Variants in TMEM201 observed in about 807,000 individuals in gnomAD.
The protein encoded by TMEM201 is RP13-15M17.2.
A neutral mutation model predicts 63.4 loss-of-function variants in TMEM201; 26 were observed. The observed-to-expected ratio is 0.41, with a 90% CI of 0.30 to 0.57. The LOEUF is 0.57. TMEM201 is among the 20% of genes least tolerant of loss of function. The pLI is 0.29. For synonymous variants in TMEM201, 417 were observed against 421.6 expected, an observed-to-expected ratio of 0.99 and a Z score of 0.14; for missense variants, 794 against 917.7, an observed-to-expected ratio of 0.87 and a Z score of 1.74.
At chr1:9,591,812 A>T (rs1460860399) in intron 1 of TMEM201, among the ~76,000 whole-genome samples, 1 of 152,020 alleles carries the variant, frequency 6.6e-6, no homozygotes, top group African/African-American at 2.4e-5. Context: ...ACTCTCCCTG[A>T]GCAACCGCCG....
chr1:9,602,464 C>G, intron 6 of TMEM201, 192 bp downstream of exon 6: 3 of 1,430,928 alleles, frequency 2.1e-6, no homozygotes, highest in Non-Finnish European at 2.7e-6. Flanking sequence ...CCTGCCTTTT[C>G]CTTTCGGGCA....
chr1:9,612,879 G>C, intron 10 of TMEM201, 107 bp from the exon 11 acceptor site: 1 of 937,838 alleles, frequency 1.1e-6, no homozygotes. Flanking sequence ...AGAGTACCCT[G>C]GGCAGAGCCT....
chr1:9,595,797 C>T (rs1644006966), intron 1 of TMEM201, 93 bp from the exon 2 acceptor site: 2 of 1,576,984 alleles, frequency 1.3e-6, no homozygotes, highest in Admixed American at 3.4e-5. Context: ...TCCCAGCACC[C>T]TTTCCCTGGT....
At chr1:9,602,003 G>A (rs1459930015) in intron 5 of TMEM201, 66 bp from the exon 6 acceptor site, 11 of 1,551,130 alleles carry the variant, frequency 7.1e-6, no homozygotes, top group African/African-American at 1.4e-5. Context: ...AGAGGAGGCA[G>A]GAAGGAAGGC....
At chr1:9,590,794 A>G (rs1026852888) in intron 1 of TMEM201, among the ~76,000 whole-genome samples, 2 of 152,266 alleles carry the variant, frequency 1.3e-5, no homozygotes, top group Admixed American at 6.5e-5. Context: ...GAGGTCATAA[A>G]TTGGCCACTG....
chr1:9,589,085 C>T (rs1643876743), intron 1 of TMEM201, 42 bp downstream of exon 1: 13 of 862,232 alleles, frequency 1.5e-5, no homozygotes, highest in Non-Finnish European at 1.7e-5. Flanking sequence ...CTGCGCCGCC[C>T]GCCAGGCCCG....
chr1:9,604,353 A>G lies in TMEM201; in HGVS notation c.1160+2081A>G. 3 of 985,430 alleles carry G rather than the reference A, an allele frequency of 3.0e-6. No individual in the cohort carries two copies. The highest frequency in any genetic ancestry group is 3.6e-6 in the Non-Finnish European group (3 of 829,932). The allele number at this position is 985,430 out of a possible 1,614,324, so 61.0% of individuals were successfully genotyped here. On this transcript the variant is annotated intron_variant, in intron 6 of 10. Transcript: ENST00000340381. This position sits in a 1 kb window ranked among gnomAD's most constrained non-coding sequence, Gnocchi z 4.1. ...GTCCGGAAGCGACATCTCAGGAGGT[A>G]GCTCTCAGCAGAGTGAGGATTCCTG... is the stretch of plus-strand genomic sequence containing the variant.
At chr1:9,612,230 G>A (rs896786054) in intron 10 of TMEM201, among the ~76,000 whole-genome samples, 4 of 152,226 alleles carry the variant, frequency 2.6e-5, no homozygotes, top group South Asian at 4.1e-4. Flanking sequence ...CCTGTGGCCC[G>A]TGGCTGGCAT....
At chr1:9,590,000 A>G (rs1417490164) in intron 1 of TMEM201, among the ~76,000 whole-genome samples, 3 of 152,180 alleles carry the variant, frequency 2.0e-5, no homozygotes, top group South Asian at 2.1e-4. Flanking sequence ...TCCTTAACAC[A>G]TACCGGTGCT....
intron 1 of TMEM201, among the ~76,000 whole-genome samples, chr1:9,593,248 C>T (rs1055668356): frequency 6.6e-6 from 1 of 152,220 alleles, no homozygotes; most frequent in Non-Finnish European, 1.5e-5. Context: ...GAGCTGTGGA[C>T]AGTGTTTCAC....
In TMEM201 at chr1:9,604,221, G is replaced by A. The variant is rs1179428222; in HGVS notation, c.1160+1949G>A. The A allele has an allele frequency of 4.1e-6, 4 of 985,326 alleles. No homozygotes were observed. The highest frequency in any genetic ancestry group is 4.8e-6 in the Non-Finnish European group (4 of 829,944). 61.0% of individuals were successfully genotyped at this position (985,326 alleles called of 1,614,324 possible). On this transcript the variant is annotated intron_variant, in intron 6 of 10. Transcript: ENST00000340381. The surrounding 1 kb of genome is among the most constrained non-coding windows in gnomAD (Gnocchi z 4.1). ...GGCGTTGGGTAGAAGCAGGACATCT[G>A]TGTGTATGTGCGTATTTAAATTAGA... is the stretch of plus-strand genomic sequence containing the variant.
chr1:9,600,050 C>T (rs1644106909), intron 4 of TMEM201, among the ~76,000 whole-genome samples: 1 of 152,174 alleles, frequency 6.6e-6, no homozygotes, highest in African/African-American at 2.4e-5. Context: ...TGGTGCCTTG[C>T]TGTGCAGACG....
At chr1:9,606,820 C>G (rs1644251779) in intron 6 of TMEM201, among the ~76,000 whole-genome samples, 2 of 152,254 alleles carry the variant, frequency 1.3e-5, no homozygotes, top group South Asian at 4.1e-4. Context: ...CTGTCACCTT[C>G]CGTCTTTCGG....
intron 1 of TMEM201, 21 bp from the exon 2 acceptor site, chr1:9,595,869 C>G: frequency 6.2e-7 from 1 of 1,612,116 alleles, no homozygotes; most frequent in Non-Finnish European, 8.5e-7. Context: ...CAGGCCAACC[C>G]GCTCTTTCCT....
chr1:9,606,027 T>C (rs1021585198), intron 6 of TMEM201, among the ~76,000 whole-genome samples: 2 of 151,988 alleles, frequency 1.3e-5, no homozygotes, highest in Non-Finnish European at 2.9e-5. Context: ...CCCCACAAAC[T>C]CCCTCCCATG....
rs993421020 is a variant in TMEM201 at position 9,604,291 on chromosome 1, T to A, written c.1160+2019T>A. 7 of 985,286 alleles carry A rather than the reference T, an allele frequency of 7.1e-6. No homozygotes were observed. Among genetic ancestry groups the A allele is most frequent in the Non-Finnish European group, 8.4e-6 (7 of 829,942 alleles). The allele number at this position is 985,286 out of a possible 1,614,324, so 61.0% of individuals were successfully genotyped here. A position where few individuals can be genotyped will look rare whatever the true frequency, so the allele number is the denominator to read the frequency against. Reference sequence around the variant, plus strand: ...CCAGCCCTCGCGCTGGCCAGGATCCTCCTGCCGAGCTGATGTCGCTCCTGC... The same window carrying A: ...CCAGCCCTCGCGCTGGCCAGGATCCACCTGCCGAGCTGATGTCGCTCCTGC... On this transcript the variant is annotated intron_variant, in intron 6 of 10. Transcript: ENST00000340381. The surrounding 1 kb of genome is among the most constrained non-coding windows in gnomAD (Gnocchi z 4.1).
At position 9,613,620 on chromosome 1, in the gene TMEM201, A is replaced by AGAAGGG. The variant is rs1483966507; in HGVS notation, c.*538_*543dup. ...TCTTGCCCCTTCCTGTGGAGTGGGC[A>AGAAGGG]GAAGGGCTCCCGGGATCCTCAGAGC... On this transcript the variant is annotated 3_prime_UTR_variant, in exon 11 of 11. Transcript: ENST00000340381. 6.5e-6 allele frequency: 1 copy of AGAAGGG among 153,378 alleles called. No homozygotes were observed. The highest frequency in any genetic ancestry group is 1.5e-5 in the Non-Finnish European group (1 of 68,870). The allele number at this position is 153,378 out of a possible 1,614,324, so 9.5% of individuals were successfully genotyped here.
intron 3 of TMEM201, among the ~76,000 whole-genome samples, chr1:9,597,959 C>G (rs913787397): frequency 6.6e-6 from 1 of 152,194 alleles, no homozygotes; most frequent in Admixed American, 6.5e-5. Context: ...GACTTGTCTT[C>G]TGGGCTATTT....
chr1:9,596,729 GAAA>G, intron 2 of TMEM201, 127 bp from the exon 3 acceptor site: 1 of 958,556 alleles, frequency 1.0e-6, no homozygotes, highest in Non-Finnish European at 1.5e-6. Flanking sequence ...GTGTGCAGAA[GAAA>G]AAAAAGAATG....
Sources: gnomAD v4.1 joint callset for allele counts (sites outside exome capture counted in the v4.1 genomes callset) on GRCh38, gnomAD v4.1.1 for gene constraint, Gnocchi (gnomAD v3.1) non-coding constraint, MANE v1.5 for transcripts, NCBI Gene and HGNC (gene_info 2026-07-23, HGNC 2026-07-21) for gene names.